The following CACNA2D1 variants were observed in gnomAD, a reference collection of about 807,000 sequenced individuals.
The protein encoded by CACNA2D1 is voltage-dependent calcium channel subunit alpha-2/delta-1.
In CACNA2D1, 53 loss-of-function variants were observed where a neutral mutation model predicts 171.5. The observed-to-expected ratio is 0.31, with a 90% CI of 0.25 to 0.39. The LOEUF (loss-of-function observed/expected upper bound fraction) is 0.39, where lower values mean the gene tolerates loss of function less well. Among genes scored for constraint, CACNA2D1 ranks in the 10% least tolerant of loss-of-function variants. CACNA2D1 has a pLI of 1.00. For missense variants in CACNA2D1, 903 were observed against 1,299.8 expected (o/e 0.69, Z 4.69); for synonymous variants, 442 against 443.1 (o/e 1.00, Z 0.03).
intron 38 of CACNA2D1, among the ~76,000 whole-genome samples, chr7:81,954,639 A>G (rs897174204): frequency 6.6e-6 from 1 of 152,128 alleles, no homozygotes; most frequent in Non-Finnish European, 1.5e-5. Context: ...TTAGAAGTAC[A>G]TGTTTCAAAA....
Position 81,958,483 on chromosome 7 carries a change from C to T in CACNA2D1, c.3159+792G>A, listed in dbSNP as rs551009328. On this transcript the variant is annotated intron_variant, in intron 38 of 38. Coordinates refer to ENST00000356860, the MANE Select transcript of CACNA2D1 (RefSeq NM_000722.4). Reference sequence around the variant, plus strand: ...TAGACAGAGATTTTTATGTAGACTTCATCTTTGAGAATAGATTAATATTTC... The same window carrying T: ...TAGACAGAGATTTTTATGTAGACTTTATCTTTGAGAATAGATTAATATTTC... Among the ~76,000 whole-genome samples the T allele has an allele frequency of 2.2e-3, 335 of 152,088 alleles. 1 individual carries two copies. The highest frequency in any genetic ancestry group is 4.4e-3 in the South Asian group (21 of 4,818).
At chr7:82,240,916 G>A (rs1804186870) in intron 3 of CACNA2D1, among the ~76,000 whole-genome samples, 1 of 151,550 alleles carries the variant, frequency 6.6e-6, no homozygotes, top group Non-Finnish European at 1.5e-5. Context: ...GCAGTGAGCC[G>A]AGATCGTGCC....
chr7:82,145,652 T>A (rs1264991384), intron 4 of CACNA2D1, among the ~76,000 whole-genome samples: 2 of 135,372 alleles, frequency 1.5e-5, no homozygotes, highest in Non-Finnish European at 3.1e-5. Flanking sequence ...TATGTAAAAA[T>A]TTTATATATA....
chr7:82,391,589 A>T (rs1230231327), intron 1 of CACNA2D1, among the ~76,000 whole-genome samples: 1 of 152,232 alleles, frequency 6.6e-6, no homozygotes, highest in Non-Finnish European at 1.5e-5. Flanking sequence ...GTTTTCCAAC[A>T]ATACAATTTT....
chr7:82,205,289 A>T (rs532922115), intron 3 of CACNA2D1, among the ~76,000 whole-genome samples: 20 of 152,310 alleles, frequency 1.3e-4, no homozygotes, highest in African/African-American at 3.6e-4. Context: ...AATTATTAAA[A>T]TCATATATTT....
At chr7:82,143,777 T>C (rs1792668389) in intron 4 of CACNA2D1, among the ~76,000 whole-genome samples, 2 of 152,160 alleles carry the variant, frequency 1.3e-5, no homozygotes, top group South Asian at 4.1e-4. Flanking sequence ...TTTCACCTTG[T>C]ATTAATCTAA....
intron 6 of CACNA2D1, among the ~76,000 whole-genome samples, chr7:82,085,101 C>T (rs879214841): frequency 3.9e-5 from 6 of 152,118 alleles, no homozygotes; most frequent in Admixed American, 1.3e-4. Flanking sequence ...TAGTATTCAT[C>T]GAAAGATGTT....
chr7:82,104,088 T>A (rs1360411600), intron 6 of CACNA2D1, among the ~76,000 whole-genome samples: 2 of 152,002 alleles, frequency 1.3e-5, no homozygotes, highest in Non-Finnish European at 2.9e-5. Flanking sequence ...TACTGTAATA[T>A]TTGTGCTAAA....
intron 3 of CACNA2D1, among the ~76,000 whole-genome samples, chr7:82,172,512 G>C (rs1378695776): frequency 6.6e-6 from 1 of 151,602 alleles, no homozygotes; most frequent in Non-Finnish European, 1.5e-5. Context: ...GAGTACAGTG[G>C]TGCAATCATA....
At chr7:82,415,741 T>C (rs1354100112) in intron 1 of CACNA2D1, among the ~76,000 whole-genome samples, 1 of 152,000 alleles carries the variant, frequency 6.6e-6, no homozygotes, top group Non-Finnish European at 1.5e-5. Context: ...TAGATTTAGA[T>C]TAATCTTAAT....
At chr7:82,170,507 T>C (rs765002547) in intron 4 of CACNA2D1, 43 bp downstream of exon 4, 2 of 1,286,478 alleles carry the variant, frequency 1.6e-6, no homozygotes, top group South Asian at 1.2e-5. Flanking sequence ...CCATACACAA[T>C]ATGTCAAGCT....
At chr7:82,426,862 C>T (rs1249231499) in intron 1 of CACNA2D1, among the ~76,000 whole-genome samples, 1 of 152,108 alleles carries the variant, frequency 6.6e-6, no homozygotes, top group African/African-American at 2.4e-5. Flanking sequence ...TTCAGTTACC[C>T]GCAGTCGACC....
chr7:82,408,211 C>T (rs1287450864), intron 1 of CACNA2D1, among the ~76,000 whole-genome samples: 2 of 151,736 alleles, frequency 1.3e-5, no homozygotes, highest in Non-Finnish European at 2.9e-5. Context: ...TTAGTAGAGG[C>T]GGGGTTTCAC....
At chr7:82,156,678 G>C (rs1045449906) in intron 4 of CACNA2D1, among the ~76,000 whole-genome samples, 1 of 144,066 alleles carries the variant, frequency 6.9e-6, no homozygotes, top group Non-Finnish European at 1.5e-5. Context: ...ATAATATCAA[G>C]TATAATCAAG....
chr7:82,111,116 T>C (rs1178241674), intron 6 of CACNA2D1, among the ~76,000 whole-genome samples: 1 of 151,662 alleles, frequency 6.6e-6, no homozygotes, highest in Admixed American at 6.6e-5. Flanking sequence ...TCCTATGATA[T>C]ATATTTTAAC....
chr7:81,959,519 T>C (rs757583035), intron 37 of CACNA2D1, among the ~76,000 whole-genome samples, 162 bp from the exon 38 acceptor site: 4 of 152,074 alleles, frequency 2.6e-5, no homozygotes, highest in Non-Finnish European at 4.4e-5. Context: ...AACTAAATTG[T>C]GAATTATCCT....
At chr7:82,357,980 A>G (rs1486281558) in intron 1 of CACNA2D1, among the ~76,000 whole-genome samples, 1 of 152,008 alleles carries the variant, frequency 6.6e-6, no homozygotes, top group Non-Finnish European at 1.5e-5. Flanking sequence ...TTTTGCCACT[A>G]TTTTTAAGAA....
At chr7:82,299,476 C>A (rs1812732490) in intron 3 of CACNA2D1, among the ~76,000 whole-genome samples, 1 of 151,808 alleles carries the variant, frequency 6.6e-6, no homozygotes, top group Admixed American at 6.6e-5. Context: ...GCCTGGCCAA[C>A]ATGGTGAAAC....
At chr7:82,137,857 C>T (rs988594844) in intron 4 of CACNA2D1, among the ~76,000 whole-genome samples, 9 of 144,960 alleles carry the variant, frequency 6.2e-5, no homozygotes, top group African/African-American at 2.2e-4. Flanking sequence ...GAGACTCCGC[C>T]TCAAAAAAAA....
Sources: gnomAD v4.1 joint callset for allele counts (sites outside exome capture counted in the v4.1 genomes callset) on GRCh38, gnomAD v4.1.1 for gene constraint, MANE v1.5 for transcripts, NCBI Gene and HGNC (gene_info 2026-07-23, HGNC 2026-07-21) for gene names.